The following KDM4C variants were observed in gnomAD, a reference collection of about 807,000 sequenced individuals.
The protein encoded by KDM4C is lysine demethylase 4C.
In KDM4C, 81 loss-of-function variants were observed where a neutral mutation model predicts 129.3. The ratio of observed to expected loss-of-function variants is 0.63; its 90% CI spans 0.52 to 0.75. The LOEUF (loss-of-function observed/expected upper bound fraction) is 0.75, where lower values mean the gene tolerates loss of function less well. KDM4C is among the 30% of genes least tolerant of loss of function. KDM4C has a pLI of 0.00. For missense variants in KDM4C, 1,457 were observed against 1,304.0 expected, an observed-to-expected ratio of 1.12 and a Z score of -1.81; for synonymous variants, 573 against 456.1, an observed-to-expected ratio of 1.26 and a Z score of -3.26.
chr9:6,730,477 T>C (rs1298699967), intron 1 of KDM4C, among the ~76,000 whole-genome samples: 1 of 151,624 alleles, frequency 6.6e-6, no homozygotes, highest in Non-Finnish European at 1.5e-5. Flanking sequence ...TAGCTGGGCG[T>C]GGTGGCGGGC....
chr9:6,835,935 C>T (rs1401482811), intron 4 of KDM4C, among the ~76,000 whole-genome samples: 1 of 152,122 alleles, frequency 6.6e-6, no homozygotes, highest in East Asian at 1.9e-4. Flanking sequence ...CCTCCGAGTC[C>T]ACATAGGGGA....
intron 15 of KDM4C, among the ~76,000 whole-genome samples, chr9:7,040,676 G>A (rs1427169457): frequency 2.0e-5 from 3 of 151,498 alleles, no homozygotes. Context: ...CTTTTAGGCT[G>A]GCTGCTTTTT....
chr9:6,729,204 C>CAAAAAAAAAAA (rs1186478804), intron 1 of KDM4C, among the ~76,000 whole-genome samples: 2 of 32,106 alleles, frequency 6.2e-5, no homozygotes, highest in South Asian at 1.8e-3. Context: ...GCTCCGTCTC[C>CAAAAAAAAAAA]AAAAAAAAAA....
rs573946077 is a variant in KDM4C, at chr9:6,901,573, C to G, written c.921+8341C>G. ...AACTAGGCTCATCTACCCCCATTTG[C>G]GAGGAAAATCTTTCCTTGAAACACA... On this transcript the variant is annotated intron_variant, in intron 8 of 21. Coordinates refer to ENST00000381309, the MANE Select transcript of KDM4C (RefSeq NM_015061.6). Among the ~76,000 whole-genome samples, 7 of 152,240 alleles carry G rather than the reference C, an allele frequency of 4.6e-5. No homozygotes were observed. The East Asian group carries it at 1.2e-3, about 25-fold the overall frequency.
intron 1 of KDM4C, among the ~76,000 whole-genome samples, chr9:6,780,638 C>T (rs1274779586): frequency 6.6e-6 from 1 of 151,470 alleles, no homozygotes; most frequent in East Asian, 2.0e-4. Context: ...GTGATACTGT[C>T]CACCTGTAAT....
chr9:6,963,264 TTAG>T (rs1293548044), intron 8 of KDM4C, among the ~76,000 whole-genome samples: 1 of 152,228 alleles, frequency 6.6e-6, no homozygotes, highest in African/African-American at 2.4e-5. Context: ...ACAAATGCTT[TTAG>T]TAGTATTAAT....
intron 5 of KDM4C, among the ~76,000 whole-genome samples, chr9:6,871,920 A>G (rs1230418284): frequency 6.6e-6 from 1 of 152,246 alleles, no homozygotes. Context: ...ATAATACTAC[A>G]TAATATACAA....
At chr9:6,894,662 A>C (rs999540158) in intron 8 of KDM4C, among the ~76,000 whole-genome samples, 9 of 152,330 alleles carry the variant, frequency 5.9e-5, no homozygotes, top group African/African-American at 2.2e-4. Context: ...GAGAAGCTAA[A>C]CTACCATGTA....
chr9:7,130,956 A>G lies in KDM4C; in HGVS notation c.2781+2720A>G, dbSNP rs186198568. The stretch of plus-strand genomic sequence containing the variant: ...TTTTTTTTTTAATTTTTTTGTAGAG[A>G]TGGTGTCGAACTGCGTTGCCCGGGC... On this transcript the variant is annotated intron_variant, in intron 19 of 21. Coordinates refer to ENST00000381309, the MANE Select transcript of KDM4C (RefSeq NM_015061.6). 2.8e-3 allele frequency among the ~76,000 whole-genome samples: 409 copies of G among 146,718 alleles called. 6 individuals are homozygous for G. The highest frequency in any genetic ancestry group is 8.9e-3 in the African/African-American group (351 of 39,582).
At chr9:6,772,783 C>T (rs552980316) in intron 1 of KDM4C, among the ~76,000 whole-genome samples, 1 of 151,376 alleles carries the variant, frequency 6.6e-6, no homozygotes, top group Non-Finnish European at 1.5e-5. Context: ...GCCTCTGCCC[C>T]CCGGATTCAA....
At chr9:6,798,428 A>G (rs1440462863) in intron 2 of KDM4C, among the ~76,000 whole-genome samples, 4 of 151,944 alleles carry the variant, frequency 2.6e-5, no homozygotes, top group African/African-American at 9.7e-5. Context: ...GAGATTATGG[A>G]GTGGTGATGA....
At chr9:6,998,607 T>C (rs818895) in intron 12 of KDM4C, among the ~76,000 whole-genome samples, 151,298 of 152,308 alleles carry the variant, frequency 0.99, 75,156 homozygotes, top group Middle Eastern at 1. Context: ...ACCAGCCTGG[T>C]TAACATCGCA....
intron 8 of KDM4C, among the ~76,000 whole-genome samples, chr9:6,965,863 GAAT>G (rs955060639): frequency 6.6e-6 from 1 of 152,098 alleles, no homozygotes; most frequent in African/African-American, 2.4e-5. Flanking sequence ...GAAACACTCA[GAAT>G]AATATCTTAC....
Position 6,814,425 on chromosome 9 carries a change from T to A in KDM4C, c.321-206T>A, listed in dbSNP as rs562505004. Among the ~76,000 whole-genome samples the A allele has an allele frequency of 3.3e-5, 5 of 152,298 alleles. No homozygotes were observed. The South Asian group carries it at 1.0e-3, about 32-fold the overall frequency. On this transcript the variant is annotated intron_variant, in intron 3 of 21. Transcript: ENST00000381309. ...GTGAAAGTAGTTTTCTAATAAAATG[T>A]AAAGTAATATTGAGTATTCAGCAAT...
In KDM4C at chr9:6,726,020, T is replaced by G. The variant is rs570009158; in HGVS notation, c.49+5023T>G. Reference sequence around the variant, plus strand: ...CGGCTCACTGCAACCTCCACCTCCCTGGTTCAAGCAATTCCCCTGCTTCAG... The same window carrying G: ...CGGCTCACTGCAACCTCCACCTCCCGGGTTCAAGCAATTCCCCTGCTTCAG... On this transcript the variant is annotated intron_variant, in intron 1 of 17. Coordinates refer to the KDM4C transcript ENST00000536108. Among the ~76,000 whole-genome samples, 4 of 151,622 alleles carry G rather than the reference T, an allele frequency of 2.6e-5. No individual in the cohort carries two copies. In the East Asian group the frequency reaches 5.9e-4, roughly 22 times the overall value.
intron 1 of KDM4C, among the ~76,000 whole-genome samples, chr9:6,770,896 CT>C (rs1821678573): frequency 6.6e-6 from 1 of 150,946 alleles, no homozygotes; most frequent in Admixed American, 6.6e-5. Context: ...CTGCCTCAGC[CT>C]CCAGAGTAGC....
At chr9:6,806,896 C>T (rs914935408) in intron 3 of KDM4C, among the ~76,000 whole-genome samples, 1 of 150,360 alleles carries the variant, frequency 6.7e-6, no homozygotes, top group Non-Finnish European at 1.5e-5. Flanking sequence ...CTCCCTCTCC[C>T]TCTCCCTCTC....
At chr9:6,770,708 G>A (rs820510) in intron 1 of KDM4C, among the ~76,000 whole-genome samples, 4 of 139,320 alleles carry the variant, frequency 2.9e-5, no homozygotes, top group Non-Finnish European at 4.6e-5. Flanking sequence ...GTTTTTCAAC[G>A]TCTTTTTTTT....
chr9:6,961,857 TC>T (rs1830109524), intron 8 of KDM4C, among the ~76,000 whole-genome samples: 1 of 152,214 alleles, frequency 6.6e-6, no homozygotes, highest in South Asian at 2.1e-4. Context: ...AAAGCTTTTT[TC>T]CCTTCTAGCT....
Sources: gnomAD v4.1 joint callset for allele counts (sites outside exome capture counted in the v4.1 genomes callset) on GRCh38, gnomAD v4.1.1 for gene constraint, MANE v1.5 for transcripts, NCBI Gene and HGNC (gene_info 2026-07-23, HGNC 2026-07-21) for gene names.